The following ADAMTSL1 variants were observed in gnomAD, a reference collection of about 807,000 sequenced individuals.
ADAMTSL1 encodes ADAMTS-like protein 1.
A neutral mutation model predicts 201.8 loss-of-function variants in ADAMTSL1; 126 were observed. The observed-to-expected ratio is 0.62, with a 90% CI of 0.54 to 0.72. The LOEUF (loss-of-function observed/expected upper bound fraction) is 0.72. Ranked by LOEUF, ADAMTSL1 falls within the 30% of genes least tolerant of loss-of-function variation. The pLI, the probability that ADAMTSL1 is intolerant of heterozygous loss-of-function variation, is 0.00. For synonymous variants in ADAMTSL1, 1,121 were observed against 903.4 expected (o/e 1.24, Z -4.32); for missense variants, 2,679 against 2,277.8 (o/e 1.18, Z -3.59).
intron 1 of ADAMTSL1, among the ~76,000 whole-genome samples, chr9:18,000,934 A>G (rs1481463577): frequency 6.6e-6 from 1 of 152,002 alleles, no homozygotes; most frequent in African/African-American, 2.4e-5. Context: ...TGACTGTCTG[A>G]TTGGCTTGGG....
intron 2 of ADAMTSL1, among the ~76,000 whole-genome samples, chr9:18,391,236 T>C (rs1017104960): frequency 1.3e-5 from 2 of 152,224 alleles, no homozygotes; most frequent in African/African-American, 4.8e-5. Flanking sequence ...AACTGTGATA[T>C]TTTAAAATCT....
intron 1 of ADAMTSL1, among the ~76,000 whole-genome samples, chr9:18,086,745 C>G (rs568466633): frequency 3.2e-4 from 48 of 152,180 alleles, no homozygotes; most frequent in Non-Finnish European, 4.7e-4. Flanking sequence ...TTATAATTGA[C>G]TAAAATGATG....
intron 26 of ADAMTSL1, among the ~76,000 whole-genome samples, chr9:18,900,508 C>G (rs908377664): frequency 1.1e-4 from 17 of 152,092 alleles, no homozygotes; most frequent in African/African-American, 3.6e-4. Flanking sequence ...CTCACAATAG[C>G]AAAGGCATGG....
At chr9:18,473,189 G>A (rs564277160), upstream of ADAMTSL1, among the ~76,000 whole-genome samples, 1 of 152,292 alleles carries the variant, frequency 6.6e-6, no homozygotes, top group Admixed American at 6.5e-5. Context: ...TAAAGGACGT[G>A]GGTGAGGTGC....
intron 1 of ADAMTSL1, among the ~76,000 whole-genome samples, chr9:18,089,181 T>G (rs944781899): frequency 1.3e-5 from 2 of 151,920 alleles, no homozygotes; most frequent in African/African-American, 4.8e-5. Flanking sequence ...AAACAAAAAA[T>G]TTGTGACTCT....
chr9:18,794,090 G>C (rs1361756665), intron 19 of ADAMTSL1, among the ~76,000 whole-genome samples: 1 of 151,860 alleles, frequency 6.6e-6, no homozygotes, highest in Non-Finnish European at 1.5e-5. Flanking sequence ...TGACCTTGAA[G>C]GGCAAGTTTT....
intron 2 of ADAMTSL1, among the ~76,000 whole-genome samples, chr9:18,164,748 T>C (rs1175709651): frequency 6.6e-6 from 1 of 151,754 alleles, no homozygotes; most frequent in African/African-American, 2.4e-5. Flanking sequence ...CATCTTAGAA[T>C]ACCCCCAAAA....
chr9:18,455,159 T>C (rs149694429), intron 2 of ADAMTSL1, among the ~76,000 whole-genome samples: 1 of 152,212 alleles, frequency 6.6e-6, no homozygotes, highest in African/African-American at 2.4e-5. Flanking sequence ...AAGTAAGCTT[T>C]AGGTATGAGA....
At chr9:18,365,033 C>G (rs898303260) in intron 2 of ADAMTSL1, among the ~76,000 whole-genome samples, 9 of 152,110 alleles carry the variant, frequency 5.9e-5, no homozygotes, top group African/African-American at 1.9e-4. Context: ...CAAACCATAT[C>G]AGTGCCCATA....
At chr9:18,856,953 C>G (rs554428153) in intron 23 of ADAMTSL1, among the ~76,000 whole-genome samples, 1 of 152,102 alleles carries the variant, frequency 6.6e-6, no homozygotes, top group South Asian at 2.1e-4. Flanking sequence ...AGAACAACCC[C>G]GTTTTCTGAG....
At chr9:18,731,197 T>C (rs145959284) in intron 15 of ADAMTSL1, among the ~76,000 whole-genome samples, 8 of 152,330 alleles carry the variant, frequency 5.3e-5, no homozygotes, top group African/African-American at 1.7e-4. Context: ...GGAGTAGAGA[T>C]ACTGCCTGGA....
intron 2 of ADAMTSL1, among the ~76,000 whole-genome samples, chr9:18,410,212 CT>C (rs1369414091): frequency 6.7e-6 from 1 of 149,972 alleles, no homozygotes; most frequent in Non-Finnish European, 1.5e-5. Context: ...TTTCTGTCAA[CT>C]TTTATTTTAA....
At chr9:17,946,224 C>T (rs1163824230) in intron 1 of ADAMTSL1, among the ~76,000 whole-genome samples, 1 of 151,622 alleles carries the variant, frequency 6.6e-6, no homozygotes, top group Non-Finnish European at 1.5e-5. Flanking sequence ...GTCTCAAACT[C>T]CCGGGCTCAA....
intron 15 of ADAMTSL1, among the ~76,000 whole-genome samples, chr9:18,749,612 C>G (rs555896373): frequency 3.9e-5 from 6 of 152,286 alleles, no homozygotes; most frequent in African/African-American, 1.4e-4. Flanking sequence ...GCCTGCATTT[C>G]CTCTCTCAGA....
At chr9:18,422,750 A>G (rs7020790) in intron 2 of ADAMTSL1, among the ~76,000 whole-genome samples, 102,911 of 152,014 alleles carry the variant, frequency 0.68, 35,040 homozygotes, top group East Asian at 0.88. Context: ...GTGTTCCTGC[A>G]GCATCCGGTA....
At chr9:17,957,553 C>G (rs998152321) in intron 1 of ADAMTSL1, among the ~76,000 whole-genome samples, 1 of 152,160 alleles carries the variant, frequency 6.6e-6, no homozygotes, top group Non-Finnish European at 1.5e-5. Context: ...GGGTCAATCT[C>G]CAAAGGGAAG....
chr9:18,467,022 A>T (rs1012518137), intron 2 of ADAMTSL1, among the ~76,000 whole-genome samples: 3 of 152,174 alleles, frequency 2.0e-5, no homozygotes, highest in African/African-American at 7.2e-5. Context: ...CTCTGTGAAT[A>T]TCTCATATGT....
At chr9:18,432,169 C>G (rs1819522678) in intron 2 of ADAMTSL1, among the ~76,000 whole-genome samples, 1 of 152,032 alleles carries the variant, frequency 6.6e-6, no homozygotes, top group Admixed American at 6.6e-5. Context: ...GTGTGCCAAC[C>G]ATAGATTACA....
rs1296136664 is a variant in ADAMTSL1 at position 18,908,626 on chromosome 9, C to T, written c.*78C>T. ...CCACCTCGGACAGAACCTAAGCTTT[C>T]TTCATTTTATTTATTTATTTCCCCC... On this transcript the variant is annotated 3_prime_UTR_variant, in exon 29 of 29. Coordinates refer to ENST00000380548, the MANE Select transcript of ADAMTSL1 (RefSeq NM_001040272.6). 1 of 1,176,650 alleles carries T rather than the reference C, an allele frequency of 8.5e-7. No homozygotes were observed. Among genetic ancestry groups the T allele is most frequent in the African/African-American group, 1.5e-5 (1 of 64,758 alleles). The allele number at this position is 1,176,650 out of a possible 1,614,324, so 72.9% of individuals were successfully genotyped here.
Sources: allele counts gnomAD v4.1 joint callset (sites outside exome capture counted in the v4.1 genomes callset), GRCh38; gene constraint gnomAD v4.1.1; transcripts MANE v1.5; gene names NCBI Gene and HGNC (gene_info 2026-07-23, HGNC 2026-07-21).